Variants in FRMPD4 observed in about 807,000 individuals in gnomAD.
The protein encoded by FRMPD4 is FERM and PDZ domain-containing protein 4.
Under a neutral mutation model 94.1 loss-of-function variants are expected in FRMPD4, and 22 were observed. The ratio of observed to expected loss-of-function variants is 0.23; its 90% CI spans 0.17 to 0.33. FRMPD4 has a LOEUF of 0.33. FRMPD4 is among the 10% of genes least tolerant of loss of function. The pLI, the probability that FRMPD4 is intolerant of heterozygous loss-of-function variation, is 1.00. For missense variants in FRMPD4, 1,111 were observed against 1,339.9 expected, an observed-to-expected ratio of 0.83 and a Z score of 2.67; for synonymous variants, 631 against 548.6, an observed-to-expected ratio of 1.15 and a Z score of -2.10.
intron 3 of FRMPD4, among the ~76,000 whole-genome samples, chrX:11,967,310 C>A (rs765162174): frequency 5.4e-5 from 6 of 111,596 alleles, no homozygotes; most frequent in Admixed American, 9.5e-5. Context: ...CGCTAATGAT[C>A]TCCCCTAGCC....
intron 1 of FRMPD4, among the ~76,000 whole-genome samples, chrX:12,147,314 G>A (rs770257722): frequency 8.9e-6 from 1 of 112,188 alleles, no homozygotes; most frequent in East Asian, 2.8e-4. Context: ...CAGGGTATCT[G>A]TTTTGGTACA....
chrX:12,347,029 C>T (rs1459794179), intron 1 of FRMPD4, among the ~76,000 whole-genome samples: 1 of 111,123 alleles, frequency 9.0e-6, no homozygotes, highest in Non-Finnish European at 1.9e-5. Flanking sequence ...AGTGATTCAT[C>T]CTGGTTGGGA....
chrX:11,958,434 A>G (rs894884316), intron 3 of FRMPD4, among the ~76,000 whole-genome samples: 13 of 112,039 alleles, frequency 1.2e-4, no homozygotes, highest in Non-Finnish European at 1.9e-5. Flanking sequence ...AAAGTTGAGG[A>G]AAGCAAAAAC....
chrX:12,095,460 T>C (rs1456977070), intron 3 of FRMPD4, among the ~76,000 whole-genome samples: 1 of 111,479 alleles, frequency 9.0e-6, no homozygotes, highest in Non-Finnish European at 1.9e-5. Context: ...TAAATTTCAA[T>C]TGAAACACAA....
At position 12,542,848 on chromosome X, in the gene FRMPD4, G is replaced by C. The variant is rs777599379; in HGVS notation, c.158+44052G>C. Among the ~76,000 whole-genome samples, 530 of 111,921 alleles carry C rather than the reference G, an allele frequency of 4.7e-3. 5 individuals carry two copies. The highest frequency in any genetic ancestry group is 0.016 in the African/African-American group (493 of 30,787). On this transcript the variant is annotated intron_variant, in intron 2 of 16. Coordinates refer to ENST00000675598, the MANE Select transcript of FRMPD4 (RefSeq NM_001368397.1). ...ACCTGACTTCAAACTATACTACAAG[G>C]CTACAGTAACCAAAACAGCATGGTA...
At chrX:12,499,659 A>T (rs2057895173) in intron 2 of FRMPD4, among the ~76,000 whole-genome samples, 1 of 112,641 alleles carries the variant, frequency 8.9e-6, no homozygotes, top group Non-Finnish European at 1.9e-5. Flanking sequence ...CACTTAGCGT[A>T]ACGTTTTCAG....
chrX:11,909,367 G>A (rs1455857613), intron 3 of FRMPD4, among the ~76,000 whole-genome samples: 4 of 111,563 alleles, frequency 3.6e-5, no homozygotes, highest in South Asian at 3.7e-4. Context: ...CCTTAATATC[G>A]TTTAATGTTT....
intron 2 of FRMPD4, among the ~76,000 whole-genome samples, chrX:12,594,927 T>G (rs2059017125): frequency 8.9e-6 from 1 of 112,071 alleles, no homozygotes; most frequent in Non-Finnish European, 1.9e-5. Context: ...GTCCAGTTAC[T>G]TTACCAATCT....
At chrX:12,674,755 G>A in intron 4 of FRMPD4, 108 bp from the exon 5 acceptor site, 2 of 590,475 alleles carry the variant, frequency 3.4e-6, no homozygotes. Context: ...TGGGAGTCCA[G>A]GGAGCATTCA....
intron 3 of FRMPD4, among the ~76,000 whole-genome samples, chrX:12,098,942 T>C (rs1483032952): frequency 9.2e-6 from 1 of 108,272 alleles, no homozygotes; most frequent in African/African-American, 3.4e-5. Flanking sequence ...CTTGGGGTTG[T>C]AGAGGTGAAA....
chrX:11,831,527 A>C (rs1008374662), intron 1 of FRMPD4, among the ~76,000 whole-genome samples: 1 of 112,153 alleles, frequency 8.9e-6, no homozygotes, highest in African/African-American at 3.2e-5. Flanking sequence ...CTAGTTAAGC[A>C]AAGATGAGTC....
chrX:11,966,225 T>C (rs1430487612), intron 3 of FRMPD4, among the ~76,000 whole-genome samples: 1 of 111,181 alleles, frequency 9.0e-6, no homozygotes, highest in Non-Finnish European at 1.9e-5. Context: ...TAATCCCTAT[T>C]GTGGTTATAT....
At position 12,717,565 on chromosome X, in the gene FRMPD4, T is replaced by A; in HGVS notation, c.2739T>A (p.Ser913=). The A allele has an allele frequency of 8.3e-7, 1 of 1,203,673 alleles. No individual in the cohort carries two copies. The highest frequency in any genetic ancestry group is 1.1e-6 in the Non-Finnish European group (1 of 888,243). Residue 913 remains serine, a synonymous_variant, in exon 16 of 17, where the codon TCT becomes TCA. Transcript: ENST00000675598. ...SSSDSGNETN[S]SEMTESSELA... ...CAGACTCGGGCAATGAAACTAACTCTTCTGAAATGACTGAGAGTTCTGAAC... is the reference window on the plus strand; with the variant it reads ...CAGACTCGGGCAATGAAACTAACTCATCTGAAATGACTGAGAGTTCTGAAC...
intron 1 of FRMPD4, among the ~76,000 whole-genome samples, chrX:12,193,775 G>GAAAGA (rs1207033585): frequency 1.3e-3 from 19 of 15,122 alleles, no homozygotes; most frequent in Non-Finnish European, 1.8e-3. Context: ...AGAAAGAAAG[G>GAAAGA]AAGGAAGGAA....
chrX:12,196,412 A>G (rs995884587), intron 1 of FRMPD4, among the ~76,000 whole-genome samples: 1 of 110,918 alleles, frequency 9.0e-6, no homozygotes, highest in Non-Finnish European at 1.9e-5. Flanking sequence ...CAGTAATCAC[A>G]TTAGGGATGA....
At chrX:12,120,955 G>A (rs751519316) in intron 3 of FRMPD4, among the ~76,000 whole-genome samples, 2 of 109,332 alleles carry the variant, frequency 1.8e-5, no homozygotes, top group East Asian at 5.6e-4. Context: ...CTCATTCAGG[G>A]AGACTGTAAG....
At chrX:12,324,957 G>A (rs7054799) in intron 1 of FRMPD4, among the ~76,000 whole-genome samples, 44 of 111,932 alleles carry the variant, frequency 3.9e-4, no homozygotes, top group African/African-American at 1.4e-3. Flanking sequence ...AATTTTGTTT[G>A]ATGCTTTGTC....
At chrX:12,602,402 A>G (rs1241295453) in intron 2 of FRMPD4, among the ~76,000 whole-genome samples, 1 of 111,058 alleles carries the variant, frequency 9.0e-6, no homozygotes, top group Non-Finnish European at 1.9e-5. Flanking sequence ...TGAAGAATAG[A>G]CTGTGGGGTT....
intron 2 of FRMPD4, among the ~76,000 whole-genome samples, chrX:12,552,833 C>T (rs1042212933): frequency 8.9e-6 from 1 of 112,423 alleles, no homozygotes; most frequent in African/African-American, 3.2e-5. Context: ...TATTTTTAAA[C>T]ATCTATGAAT....
Sources: gnomAD v4.1 joint callset for allele counts (sites outside exome capture counted in the v4.1 genomes callset) on GRCh38, gnomAD v4.1.1 for gene constraint, MANE v1.5 for transcripts, NCBI Gene and HGNC (gene_info 2026-07-23, HGNC 2026-07-21) for gene names.